The following C18orf63 variants were observed in gnomAD, a reference collection of about 807,000 sequenced individuals.
C18orf63 encodes the protein uncharacterized protein C18orf63.
C18orf63 carries 50 observed loss-of-function variants against 75.3 expected under a neutral mutation model. The observed-to-expected ratio is 0.66, with a 90% CI of 0.53 to 0.84. The LOEUF is 0.84. Among genes scored for constraint, C18orf63 ranks in the 40% least tolerant of loss-of-function variants. C18orf63 has a pLI of 0.00. For synonymous variants in C18orf63, 232 were observed against 267.6 expected (o/e 0.87, Z 1.30); for missense variants, 732 against 800.2 (o/e 0.91, Z 1.03).
intron 13 of C18orf63, among the ~76,000 whole-genome samples, chr18:74,355,075 T>C (rs1456504183): frequency 6.6e-6 from 1 of 152,246 alleles, no homozygotes; most frequent in Non-Finnish European, 1.5e-5. Context: ...TATTTTGTTC[T>C]GCCATCTGTT....
intron 8 of C18orf63, 47 bp downstream of exon 8, chr18:74,338,871 G>T: frequency 2.6e-6 from 2 of 770,262 alleles, no homozygotes; most frequent in South Asian, 3.4e-5. Context: ...AAATATGGTG[G>T]TTTCCCTTAT....
rs553316170 is a variant in C18orf63, at chr18:74,357,433, G to A, written c.*986G>A. 1 of 152,240 alleles carries A rather than the reference G, an allele frequency of 6.6e-6. No individual in the cohort carries two copies. Among genetic ancestry groups the A allele is most frequent in the Non-Finnish European group, 1.5e-5 (1 of 67,996 alleles). The allele number at this position is 152,240 out of a possible 1,614,324, so 9.4% of individuals were successfully genotyped here. A position where few individuals can be genotyped will look rare whatever the true frequency, so the allele number is the denominator to read the frequency against. On this transcript the variant is annotated 3_prime_UTR_variant, in exon 14 of 14. Transcript: ENST00000579455. Reference sequence around the variant, plus strand: ...TTTGAAAAAAAGAGAAACAGAAGTGGAGCTTCTCAGACAATGAATATTATT... The same window carrying A: ...TTTGAAAAAAAGAGAAACAGAAGTGAAGCTTCTCAGACAATGAATATTATT...
At chr18:74,318,645 C>T (rs1044440711) in intron 2 of C18orf63, among the ~76,000 whole-genome samples, 5 of 152,064 alleles carry the variant, frequency 3.3e-5, no homozygotes, top group Admixed American at 3.3e-4. Flanking sequence ...AACAAATTAG[C>T]TGGGCATGGT....
At chr18:74,327,502 C>T (rs1003987679) in intron 4 of C18orf63, among the ~76,000 whole-genome samples, 1 of 152,192 alleles carries the variant, frequency 6.6e-6, no homozygotes, top group Non-Finnish European at 1.5e-5. Context: ...TAAAAACTCT[C>T]TTCCTCCCCA....
chr18:74,329,323 A>T (rs530489775), intron 6 of C18orf63, among the ~76,000 whole-genome samples: 2 of 147,540 alleles, frequency 1.4e-5, no homozygotes, highest in Non-Finnish European at 3.0e-5. Flanking sequence ...GCAGTGAGCC[A>T]TGATTGTGCC....
intron 11 of C18orf63, among the ~76,000 whole-genome samples, chr18:74,347,822 A>G (rs1984599050): frequency 6.6e-6 from 1 of 152,214 alleles, no homozygotes; most frequent in African/African-American, 2.4e-5. Context: ...AATGTCAAAG[A>G]TACATAAAGG....
At position 74,335,276 on chromosome 18, in the gene C18orf63, C is replaced by T. The variant is rs149790842; in HGVS notation, c.502-3439C>T. 7.2e-3 allele frequency among the ~76,000 whole-genome samples: 1,088 copies of T among 151,982 alleles called. 8 individuals carry two copies. Among genetic ancestry groups the T allele is most frequent in the Non-Finnish European group, 0.012 (796 of 67,924 alleles). ...TTGTTTCTAAATTCTTTTTTAATTC[C>T]TCTGGGCTAGAGATTGGAGTAGTTT... is the stretch of plus-strand genomic sequence containing the variant. On this transcript the variant is annotated intron_variant, in intron 7 of 13. Coordinates refer to ENST00000579455, the MANE Select transcript of C18orf63 (RefSeq NM_001174123.2).
At chr18:74,329,174 A>G in intron 6 of C18orf63, 138 bp downstream of exon 6, 2 of 569,524 alleles carry the variant, frequency 3.5e-6, no homozygotes, top group South Asian at 4.3e-5. Context: ...AGATTGTTTG[A>G]GCCCACAAGT....
At chr18:74,344,355 C>CCCTCCCTCCTAGTCATAACTCCT (rs1568239137) in intron 11 of C18orf63, among the ~76,000 whole-genome samples, 1 of 151,838 alleles carries the variant, frequency 6.6e-6, no homozygotes, top group African/African-American at 2.4e-5. Flanking sequence ...AGGGTGTTTT[C>CCCTCCCTCCTAGTCATAACTCCT]TACTGAGTTT....
chr18:74,356,117 A>G (rs1984760118), intron 13 of C18orf63, among the ~76,000 whole-genome samples: 1 of 152,288 alleles, frequency 6.6e-6, no homozygotes, highest in South Asian at 2.1e-4. Context: ...TAACGAGAAC[A>G]TTTTTAATAT....
intron 11 of C18orf63, among the ~76,000 whole-genome samples, chr18:74,349,119 C>G (rs1984622717): frequency 6.6e-6 from 1 of 152,176 alleles, no homozygotes; most frequent in South Asian, 2.1e-4. Context: ...AATGTTACTA[C>G]AGTTTATAGA....
intron 3 of C18orf63, among the ~76,000 whole-genome samples, chr18:74,321,016 C>T (rs1292322209): frequency 6.6e-6 from 1 of 152,092 alleles, no homozygotes; most frequent in Non-Finnish European, 1.5e-5. Flanking sequence ...TATTTTTACA[C>T]TTAAAATTTT....
intron 7 of C18orf63, among the ~76,000 whole-genome samples, chr18:74,332,108 C>T (rs929034356): frequency 9.9e-5 from 15 of 152,040 alleles, no homozygotes; most frequent in Non-Finnish European, 8.8e-5. Flanking sequence ...TGTTTTCTGT[C>T]GCTTAGAATA....
intron 7 of C18orf63, among the ~76,000 whole-genome samples, chr18:74,337,667 G>A (rs937515186): frequency 6.6e-6 from 1 of 152,094 alleles, no homozygotes; most frequent in Non-Finnish European, 1.5e-5. Context: ...TTTATCTCTT[G>A]TGCACAGGAA....
intron 13 of C18orf63, among the ~76,000 whole-genome samples, chr18:74,355,071 G>T (rs1465791161): frequency 6.6e-6 from 1 of 152,070 alleles, no homozygotes; most frequent in African/African-American, 2.4e-5. Flanking sequence ...ATTTTATTTT[G>T]TTCTGCCATC....
At chr18:74,343,473 G>C (rs1462825280) in intron 10 of C18orf63, 46 bp from the exon 11 acceptor site, 1 of 1,246,088 alleles carries the variant, frequency 8.0e-7, no homozygotes, top group Non-Finnish European at 1.1e-6. Flanking sequence ...ATAAATTTCT[G>C]CCTCTTATGT....
At position 74,338,778 on chromosome 18, in the gene C18orf63, A is replaced by C. The variant is rs1046204322; in HGVS notation, c.565A>C (p.Ile189Leu). The change falls in exon 8 of 14, where the codon ATT (isoleucine) becomes CTT (leucine). Residue 189 changes from isoleucine to leucine, a missense_variant. By Grantham distance (5) the Ile-to-Leu change is conservative. Coordinates refer to ENST00000579455, the MANE Select transcript of C18orf63 (RefSeq NM_001174123.2). ...TTTTCATGCTAACAAGCATGCTGTC[A>C]TTGAGAGACATTCCATTTTAAGCAA... Reference protein sequence around the residue: ...KDFHANKHAVIERHSILSNWC... With the variant: ...KDFHANKHAVLERHSILSNWC... The C allele has an allele frequency of 2.1e-5, 30 of 1,422,470 alleles. No homozygotes were observed. Among genetic ancestry groups the C allele is most frequent in the Non-Finnish European group, 2.7e-5 (29 of 1,076,650 alleles). 88.1% of individuals were successfully genotyped at this position (1,422,470 alleles called of 1,614,324 possible). A position where few individuals can be genotyped will look rare whatever the true frequency, so the allele number is the denominator to read the frequency against.
chr18:74,331,951 A>C (rs560678679), intron 7 of C18orf63, among the ~76,000 whole-genome samples: 2 of 152,304 alleles, frequency 1.3e-5, no homozygotes, highest in Admixed American at 6.5e-5. Flanking sequence ...TTAAGCCAGT[A>C]GGGAAGATGA....
At position 74,345,664 on chromosome 18, in the gene C18orf63, C is replaced by T. The variant is rs550155055; in HGVS notation, c.978+1962C>T. ...ACTTTTTCCCCAATAGTTTTTCTCCCCTCAGTACTTTGCAGCACTACCTTT... is the reference window on the plus strand; with the variant it reads ...ACTTTTTCCCCAATAGTTTTTCTCCTCTCAGTACTTTGCAGCACTACCTTT... On this transcript the variant is annotated intron_variant, in intron 11 of 13. Coordinates refer to ENST00000579455, the MANE Select transcript of C18orf63 (RefSeq NM_001174123.2). 2.1e-3 allele frequency among the ~76,000 whole-genome samples: 322 copies of T among 152,118 alleles called. 3 individuals carry two copies. The highest frequency in any genetic ancestry group is 7.6e-3 in the African/African-American group (316 of 41,508).
Sources: gnomAD v4.1 joint callset for allele counts (sites outside exome capture counted in the v4.1 genomes callset) on GRCh38, gnomAD v4.1.1 for gene constraint, MANE v1.5 for transcripts, NCBI Gene and HGNC (gene_info 2026-07-23, HGNC 2026-07-21) for gene names.